The following WDR43 variants were observed in gnomAD, a reference collection of about 807,000 sequenced individuals.
WDR43 encodes the protein WD repeat-containing protein 43.
Under a neutral mutation model 91.4 loss-of-function variants are expected in WDR43, and 13 were observed. That is an observed-to-expected ratio of 0.14 (90% confidence interval 0.09 to 0.23). WDR43 has a LOEUF of 0.23. Among genes scored for constraint, WDR43 ranks in the 10% least tolerant of loss-of-function variants. The pLI is 1.00. For missense variants in WDR43, 780 were observed against 809.4 expected (o/e 0.96, Z 0.44); for synonymous variants, 331 against 287.9 (o/e 1.15, Z -1.51).
chr2:28,912,566 C>CTT, intron 3 of WDR43, 24 bp from the exon 4 acceptor site: 1 of 1,601,050 alleles, frequency 6.2e-7, no homozygotes, highest in South Asian at 1.1e-5. Context: ...TATTGAGATG[C>CTT]TTTTTTTTCT....
rs760432623 is a variant in WDR43 at position 28,925,205 on chromosome 2, G to T, written c.1086+52G>T. Reference sequence around the variant, plus strand: ...GCAATATAGCATCCCTGTGTCCATGGAAGAGAGTGATTTTAAAAATAACAA... The same window carrying T: ...GCAATATAGCATCCCTGTGTCCATGTAAGAGAGTGATTTTAAAAATAACAA... On this transcript the variant is annotated intron_variant, in intron 8 of 17. Transcript: ENST00000407426. 9.1e-6 allele frequency: 13 copies of T among 1,435,378 alleles called. No homozygotes were observed. Among genetic ancestry groups the T allele is most frequent in the Non-Finnish European group, 1.1e-5 (12 of 1,083,950 alleles). 88.9% of individuals were successfully genotyped at this position (1,435,378 alleles called of 1,614,324 possible).
rs565519316 is a variant in WDR43 at position 28,914,008 on chromosome 2, A to G, written c.607-61A>G. On this transcript the variant is annotated intron_variant, in intron 4 of 17. Transcript: ENST00000407426. Reference sequence around the variant, plus strand: ...CATATGGCTTGTTTTGATAATATATACTATTAATTTTTGTCCCTGCTTTGA... The same window carrying G: ...CATATGGCTTGTTTTGATAATATATGCTATTAATTTTTGTCCCTGCTTTGA... 5 of 1,586,490 alleles carry G rather than the reference A, an allele frequency of 3.2e-6. No individual in the cohort carries two copies. The African/African-American group carries it at 4.0e-5, about 13-fold the overall frequency.
At chr2:28,920,816 A>G (rs1018649132) in intron 6 of WDR43, among the ~76,000 whole-genome samples, 4 of 151,672 alleles carry the variant, frequency 2.6e-5, no homozygotes, top group Non-Finnish European at 5.9e-5. Flanking sequence ...AGCTGGTACT[A>G]CAGGCACGCA....
At chr2:28,920,762 T>C (rs1671009765) in intron 6 of WDR43, among the ~76,000 whole-genome samples, 1 of 152,074 alleles carries the variant, frequency 6.6e-6, no homozygotes, top group East Asian at 1.9e-4. Context: ...CTGCAAACTC[T>C]GCCTCCCAGG....
chr2:28,897,721 ATTAG>A (rs983968671), intron 1 of WDR43, among the ~76,000 whole-genome samples: 3 of 152,206 alleles, frequency 2.0e-5, no homozygotes, highest in Non-Finnish European at 2.9e-5. Context: ...ATGGAGAAAG[ATTAG>A]TTAGTGCTGG....
chr2:28,906,330 T>G lies in WDR43; in HGVS notation c.364-130T>G, dbSNP rs181351293. ...TATGTAGTTCTACTGATCTGAAATA[T>G]CCACGTGTGGGCCAGGAGCACTGGC... On this transcript the variant is annotated intron_variant, in intron 2 of 17. Coordinates refer to ENST00000407426, the MANE Select transcript of WDR43 (RefSeq NM_015131.3). The G allele has an allele frequency of 7.0e-6, 6 of 853,916 alleles. No homozygotes were observed. The South Asian group carries it at 9.4e-5, about 13-fold the overall frequency. The allele number at this position is 853,916 out of a possible 1,614,324, so 52.9% of individuals were successfully genotyped here. A position where few individuals can be genotyped will look rare whatever the true frequency, so the allele number is the denominator to read the frequency against.
intron 1 of WDR43, among the ~76,000 whole-genome samples, chr2:28,897,429 A>G (rs529290863): frequency 1.3e-5 from 2 of 152,190 alleles, no homozygotes; most frequent in Non-Finnish European, 2.9e-5. Context: ...AGGTCCTGCT[A>G]TATGATGACA....
chr2:28,940,478 C>T (rs1236634720), intron 14 of WDR43, among the ~76,000 whole-genome samples: 1 of 152,142 alleles, frequency 6.6e-6, no homozygotes, highest in Non-Finnish European at 1.5e-5. Flanking sequence ...GATCTGCCCG[C>T]CTCAGCCTCC....
Position 28,926,667 on chromosome 2 carries a change from T to C in WDR43, c.1173+113T>C, listed in dbSNP as rs897546283. 4 of 904,424 alleles carry C rather than the reference T, an allele frequency of 4.4e-6. No homozygotes were observed. The African/African-American group carries it at 6.7e-5, about 15-fold the overall frequency. The allele number at this position is 904,424 out of a possible 1,614,324, so 56.0% of individuals were successfully genotyped here. ...GTTTTTTATTCTTTAATATCTTTAT[T>C]CTCTTGTCTTATAAATTTTGTGGGA... On this transcript the variant is annotated intron_variant, in intron 9 of 17. Transcript: ENST00000407426.
In WDR43 at chr2:28,894,906, G is replaced by A; in HGVS notation, c.208G>A (p.Ala70Thr). 1.9e-6 allele frequency: 3 copies of A among 1,595,634 alleles called. No homozygotes were observed. Among genetic ancestry groups the A allele is most frequent in the African/African-American group, 1.3e-5 (1 of 74,592 alleles). Residue 70 changes from alanine (A) to threonine (T), a missense_variant, in exon 1 of 18, where the codon GCG (alanine) becomes ACG (threonine). Physicochemically the swap from Ala to Thr is moderately conservative, Grantham distance 58. This residue lies in a region of WDR43 where 175 missense variants were observed against 113.8 expected (regional missense o/e 1.54). Transcript: ENST00000407426. ...CTGCACCTGTCTGGCCTGGGCGCCA[G>A]CGCGGCTGCAGGCCAAGGTAAAGCG... ...GTCTCLAWAP[A>T]RLQAKESPQR...
chr2:28,942,622 T>TC (rs1444964991), intron 16 of WDR43, among the ~76,000 whole-genome samples: 9 of 149,502 alleles, frequency 6.0e-5, no homozygotes, highest in Admixed American at 2.7e-4. Context: ...TTCTTTTCTT[T>TC]TTTTTTTTTT....
Position 28,894,722 on chromosome 2 carries a change from C to A in WDR43, c.24C>A (p.Ser8Arg). 1 of 1,569,066 alleles carries A rather than the reference C, an allele frequency of 6.4e-7. No individual in the cohort carries two copies. Residue 8 changes from serine (S) to arginine (R), a missense_variant, in exon 1 of 18, where the codon AGC becomes AGA. Around this residue, in one of 4 missense-constraint regions of WDR43, gnomAD observed 175 missense variants for 113.8 expected, o/e 1.54. Coordinates refer to ENST00000407426, the MANE Select transcript of WDR43 (RefSeq NM_015131.3). MAAGGGGSCDPLAPAGVP... is the reference protein window; with the variant it reads MAAGGGGRCDPLAPAGVP... ...CAATGGCGGCGGGCGGCGGCGGTAG[C>A]TGCGACCCCCTGGCCCCTGCTGGGG...
chr2:28,918,714 C>T (rs1260234988), intron 6 of WDR43, among the ~76,000 whole-genome samples: 1 of 151,920 alleles, frequency 6.6e-6, no homozygotes, highest in African/African-American at 2.4e-5. Flanking sequence ...TTGTTTGCTG[C>T]CTATAAAAAA....
Position 28,929,583 on chromosome 2 carries a change from G to C in WDR43, c.1310G>C (p.Ser437Thr). The change falls in exon 11 of 18, where the codon AGC (serine) becomes ACC (threonine). Residue 437 changes from serine (S) to threonine (T), a missense_variant. This residue lies in a region of WDR43 where 426 missense variants were observed against 467.8 expected (regional missense o/e 0.91). Coordinates refer to ENST00000407426, the MANE Select transcript of WDR43 (RefSeq NM_015131.3). Reference protein sequence around the residue: ...SKRKSGGNEVSIEERLGAMDI... With the variant: ...SKRKSGGNEVTIEERLGAMDI... ...ACAATCCTTTCTGTTCTGTAGGTTA[G>C]CATTGAAGAACGTCTGGGAGCAATG... is the stretch of plus-strand genomic sequence containing the variant. 6.2e-7 allele frequency: 1 copy of C among 1,611,138 alleles called. No individual in the cohort carries two copies. The highest frequency in any genetic ancestry group is 8.5e-7 in the Non-Finnish European group (1 of 1,178,572).
At chr2:28,922,890 A>G (rs755402447) in intron 6 of WDR43, 29 bp from the exon 7 acceptor site, 2 of 1,601,718 alleles carry the variant, frequency 1.2e-6, no homozygotes, top group Non-Finnish European at 8.5e-7. Flanking sequence ...GTTATCCATT[A>G]TAATACGTTG....
rs1445358872 is a variant in WDR43 at position 28,894,870 on chromosome 2, C to T, written c.172C>T (p.Leu58Phe). 3.1e-6 allele frequency: 5 copies of T among 1,609,130 alleles called. No individual in the cohort carries two copies. The highest frequency in any genetic ancestry group is 3.4e-6 in the Non-Finnish European group (4 of 1,178,102). The change falls in exon 1 of 18, where the codon CTC (leucine) becomes TTC (phenylalanine). Residue 58 changes from leucine to phenylalanine, a missense_variant. Transcript: ENST00000407426. ...CCAGGAGTACGTGCCTTCCGCGCAC[C>T]TCAGTGGTACCTGCACCTGTCTGGC... is the stretch of plus-strand genomic sequence containing the variant. ...LHQEYVPSAHLSGTCTCLAWA... is the reference protein window; with the variant it reads ...LHQEYVPSAHFSGTCTCLAWA...
intron 9 of WDR43, chr2:28,927,066 C>T (rs1671154945): frequency 1.9e-6 from 1 of 519,136 alleles, no homozygotes; most frequent in African/African-American, 1.9e-5. Flanking sequence ...AAAGCCAAGA[C>T]ATGCTATGAT....
intron 5 of WDR43, among the ~76,000 whole-genome samples, chr2:28,914,753 A>G (rs1670874346): frequency 6.6e-6 from 1 of 152,122 alleles, no homozygotes; most frequent in Admixed American, 6.5e-5. Context: ...ACATGGTGAA[A>G]CCCTGTCTCT....
intron 11 of WDR43, among the ~76,000 whole-genome samples, chr2:28,932,504 A>T (rs2148195224): frequency 6.6e-6 from 1 of 152,334 alleles, no homozygotes; most frequent in South Asian, 2.1e-4. Flanking sequence ...GGATGTTCTT[A>T]TAATGTATTA....
Sources: gnomAD v4.1 joint callset for allele counts (sites outside exome capture counted in the v4.1 genomes callset) on GRCh38, gnomAD v4.1.1 for gene constraint, gnomAD v4.1.1 regional missense constraint, MANE v1.5 for transcripts, NCBI Gene and HGNC (gene_info 2026-07-23, HGNC 2026-07-21) for gene names.